The following TMX3 variants were observed in gnomAD, a reference collection of about 807,000 sequenced individuals.
The protein encoded by TMX3 is protein disulfide-isomerase TMX3.
TMX3 carries 40 observed loss-of-function variants against 64.4 expected under a neutral mutation model. That is an observed-to-expected ratio of 0.62 (90% CI 0.48 to 0.81). The LOEUF (loss-of-function observed/expected upper bound fraction) is 0.81, where lower values mean the gene tolerates loss of function less well. Among genes scored for constraint, TMX3 ranks in the 30% least tolerant of loss-of-function variants. The pLI, the probability that TMX3 is intolerant of heterozygous loss-of-function variation, is 0.00. For missense variants in TMX3, 497 were observed against 534.5 expected (o/e 0.93, Z 0.69); for synonymous variants, 189 against 175.7 (o/e 1.08, Z -0.60).
intron 10 of TMX3, 61 bp from the exon 11 acceptor site, chr18:68,684,546 T>C (rs1877681436): frequency 3.6e-6 from 5 of 1,389,926 alleles, no homozygotes; most frequent in Non-Finnish European, 5.0e-6. Context: ...TGTTCAATTA[T>C]CACTTTAGTT....
intron 8 of TMX3, among the ~76,000 whole-genome samples, chr18:68,694,916 A>G (rs1484673377): frequency 6.6e-6 from 1 of 152,176 alleles, no homozygotes; most frequent in African/African-American, 2.4e-5. Context: ...GAAATGTTTC[A>G]CTTACCTTTG....
At chr18:68,686,822 T>C in intron 10 of TMX3, 1 of 984,986 alleles carries the variant, frequency 1.0e-6, no homozygotes, top group Non-Finnish European at 1.2e-6. Context: ...GAAATATCAC[T>C]AGACACAGAA....
At chr18:68,684,333 G>A in intron 11 of TMX3, 90 bp from the exon 12 acceptor site, 2 of 1,485,998 alleles carry the variant, frequency 1.3e-6, no homozygotes, top group Non-Finnish European at 1.9e-6. Context: ...ACATCTAATT[G>A]CTGCAGGAAA....
In TMX3 at chr18:68,679,501, A is replaced by C; in HGVS notation, c.1066T>G (p.Leu356Val). ...TTGGCATCAAATACTATTCTTTTCA[A>C]TCTCTGCAAAATGCTATCACCTCCT... ...AQGGDSILQR[L>V]KRIVFDAKST... is the part of the protein sequence containing the mutation. The change falls in exon 15 of 16, where the codon TTG becomes GTG. Residue 356 changes from leucine (L) to valine (V), a missense_variant. Coordinates refer to ENST00000299608, the MANE Select transcript of TMX3 (RefSeq NM_019022.5). 6.2e-7 allele frequency: 1 copy of C among 1,612,408 alleles called. No individual in the cohort carries two copies.
chr18:68,710,997 G>A (rs1437421426), intron 3 of TMX3, among the ~76,000 whole-genome samples: 1 of 152,136 alleles, frequency 6.6e-6, no homozygotes, highest in African/African-American at 2.4e-5. Flanking sequence ...CTTTGACTAA[G>A]TGATATTAAT....
At chr18:68,687,185 T>C in intron 10 of TMX3, 2 of 985,422 alleles carry the variant, frequency 2.0e-6, no homozygotes, top group African/African-American at 3.5e-5. Flanking sequence ...TCTGAGACCA[T>C]ATAATCGGCT....
At chr18:68,693,562 G>A (rs1914745515) in intron 8 of TMX3, among the ~76,000 whole-genome samples, 1 of 152,110 alleles carries the variant, frequency 6.6e-6, no homozygotes, top group African/African-American at 2.4e-5. Flanking sequence ...TTAGCCGGGT[G>A]TGTGTGTGTG....
At chr18:68,696,481 ATTAC>A (rs1915085203) in intron 8 of TMX3, among the ~76,000 whole-genome samples, 1 of 142,112 alleles carries the variant, frequency 7.0e-6, no homozygotes, top group Admixed American at 7.1e-5. Flanking sequence ...CTTAATTATT[ATTAC>A]TATTTTTTTG....
At position 68,674,908 on chromosome 18, in the gene TMX3, A is replaced by G. The variant is rs1912801610; in HGVS notation, c.*2025T>C. ...ACTGAGGCATTCATTTATAAACAACATCACAGAATATAAACGAAGATCATA... is the reference window on the plus strand; with the variant it reads ...ACTGAGGCATTCATTTATAAACAACGTCACAGAATATAAACGAAGATCATA... On this transcript the variant is annotated 3_prime_UTR_variant, in exon 16 of 16. Coordinates refer to ENST00000299608, the MANE Select transcript of TMX3 (RefSeq NM_019022.5). 6.6e-6 allele frequency: 1 copy of G among 152,172 alleles called. No individual in the cohort carries two copies. The highest frequency in any genetic ancestry group is 2.1e-4 in the South Asian group (1 of 4,836). 9.4% of individuals were successfully genotyped at this position (152,172 alleles called of 1,614,324 possible). A position where few individuals can be genotyped will look rare whatever the true frequency, so the allele number is the denominator to read the frequency against.
At chr18:68,701,855 G>T in intron 4 of TMX3, 65 bp from the exon 5 acceptor site, 3 of 1,342,732 alleles carry the variant, frequency 2.2e-6, no homozygotes, top group Non-Finnish European at 3.2e-6. Flanking sequence ...GGTAACAAAT[G>T]AGGCTTTTAC....
chr18:68,682,830 C>A (rs574083523), intron 13 of TMX3, 95 bp downstream of exon 13: 9 of 1,009,344 alleles, frequency 8.9e-6, no homozygotes, highest in Non-Finnish European at 1.2e-5. Context: ...CAACTGTTTG[C>A]TATTTTTCAG....
At chr18:68,693,455 C>G (rs1372359280) in intron 8 of TMX3, among the ~76,000 whole-genome samples, 1 of 151,826 alleles carries the variant, frequency 6.6e-6, no homozygotes, top group East Asian at 1.9e-4. Flanking sequence ...CCTGCAGGTT[C>G]ACAAATGCCT....
chr18:68,680,574 AATC>A (rs1271550224), intron 14 of TMX3, among the ~76,000 whole-genome samples: 6 of 152,154 alleles, frequency 3.9e-5, no homozygotes, highest in Admixed American at 3.9e-4. Flanking sequence ...TTAGAAAACC[AATC>A]CTAACGACTT....
rs143728902 is a variant in TMX3, at chr18:68,686,814, A to G, written c.736+853T>C. The G allele has an allele frequency of 2.9e-4, 284 of 985,420 alleles. 3 individuals are homozygous for G. In the East Asian group the frequency reaches 0.013, roughly 46 times the overall value. The allele number at this position is 985,420 out of a possible 1,614,324, so 61.0% of individuals were successfully genotyped here. ...TTCTGTAAAGATAAGCAAAGGCAGA[A>G]ATATCACTAGACACAGAACATTAAA... On this transcript the variant is annotated intron_variant, in intron 10 of 15. Transcript: ENST00000299608.
intron 7 of TMX3, 69 bp downstream of exon 7, chr18:68,697,863 T>A (rs190295391): frequency 2.1e-6 from 2 of 953,132 alleles, no homozygotes; most frequent in East Asian, 5.0e-5. Context: ...GCGTTTCTAG[T>A]GAAGTCTTGA....
chr18:68,711,339 T>C (rs979229948), intron 3 of TMX3, 25 bp downstream of exon 3: 7 of 1,559,470 alleles, frequency 4.5e-6, no homozygotes, highest in Non-Finnish European at 5.2e-6. Flanking sequence ...GGTGGGTAAT[T>C]AGCATATAAA....
rs1912720112 is a variant in TMX3, at chr18:68,673,890, A to G, written c.*3043T>C. On this transcript the variant is annotated 3_prime_UTR_variant, in exon 16 of 16. Coordinates refer to ENST00000299608, the MANE Select transcript of TMX3 (RefSeq NM_019022.5). ...ATATATTTATAAAAATAAAATGTCA[A>G]GCCTAATCCCACCAATTGATAGTCT... The G allele has an allele frequency of 2.0e-5, 3 of 152,188 alleles. No homozygotes were observed. The South Asian group carries it at 6.2e-4, about 32-fold the overall frequency. The allele number at this position is 152,188 out of a possible 1,614,324, so 9.4% of individuals were successfully genotyped here. A position where few individuals can be genotyped will look rare whatever the true frequency, so the allele number is the denominator to read the frequency against.
In TMX3 at chr18:68,677,059, A is replaced by G; in HGVS notation, c.1239T>C (p.Ser413=). Residue 413 remains serine (S), a synonymous_variant, in exon 16 of 16, where the codon TCT becomes TCC. Coordinates refer to ENST00000299608, the MANE Select transcript of TMX3 (RefSeq NM_019022.5). Reference sequence around the variant, plus strand: ...GTTCTTGGTTTTCATTTTCACTTTTAGACACTTCATATCGTTCTTCTATAT... The same window carrying G: ...GTTCTTGGTTTTCATTTTCACTTTTGGACACTTCATATCGTTCTTCTATAT... ...GGYIEERYEV[S]KSENENQEQI... 1 of 1,613,704 alleles carries G rather than the reference A, an allele frequency of 6.2e-7. No homozygotes were observed. The highest frequency in any genetic ancestry group is 8.5e-7 in the Non-Finnish European group (1 of 1,179,800).
intron 10 of TMX3, chr18:68,687,103 C>T (rs1248257571): frequency 1.0e-6 from 1 of 983,270 alleles, no homozygotes; most frequent in Non-Finnish European, 1.2e-6. Context: ...TTTCTCATTT[C>T]TAATTTGCTA....
Sources: allele counts gnomAD v4.1 joint callset (sites outside exome capture counted in the v4.1 genomes callset), GRCh38; gene constraint gnomAD v4.1.1; transcripts MANE v1.5; gene names NCBI Gene and HGNC (gene_info 2026-07-23, HGNC 2026-07-21).